Variants in LYST observed in about 807,000 individuals in gnomAD.
LYST encodes the protein lysosomal-trafficking regulator.
Under a neutral mutation model 413.6 loss-of-function variants are expected in LYST, and 192 were observed. That is an observed-to-expected ratio of 0.46 (90% CI 0.41 to 0.52). The LOEUF (loss-of-function observed/expected upper bound fraction) is 0.52. Among genes scored for constraint, LYST ranks in the 20% least tolerant of loss-of-function variants. The pLI, the probability that LYST is intolerant of heterozygous loss-of-function variation, is 0.00. For synonymous variants in LYST, 1,525 were observed against 1,567.3 expected (o/e 0.97, Z 0.64); for missense variants, 3,815 against 4,499.9 (o/e 0.85, Z 4.35).
At chr1:235,798,578 TAAAAAAAAAAAAAAAAAAAAAAAAAAAA>T (rs71174462) in intron 10 of LYST, among the ~76,000 whole-genome samples, 1 of 81,714 alleles carries the variant, frequency 1.2e-5, no homozygotes, top group Non-Finnish European at 2.4e-5. Context: ...AACCCTGTCA[TAAAAAAAAAAAAAAAAAAAAAAAAAAAA>T]AAAAAAAAAA....
chr1:235,764,339 C>T (rs919298483), intron 21 of LYST, among the ~76,000 whole-genome samples: 89 of 152,106 alleles, frequency 5.9e-4, no homozygotes, highest in African/African-American at 2.1e-3. Flanking sequence ...CCATATTTTA[C>T]CCATCTTTGT....
At chr1:235,863,017 T>C (rs1317688503) in intron 1 of LYST, among the ~76,000 whole-genome samples, 1 of 152,182 alleles carries the variant, frequency 6.6e-6, no homozygotes, top group Non-Finnish European at 1.5e-5. Context: ...CATTACAAAG[T>C]ATTAAAAATG....
At chr1:235,857,634 G>A (rs1377394318) in intron 1 of LYST, among the ~76,000 whole-genome samples, 1 of 151,638 alleles carries the variant, frequency 6.6e-6, no homozygotes, top group East Asian at 1.9e-4. Context: ...AGAGGGGTAC[G>A]AGGAAAACCA....
In LYST at chr1:235,830,320, T is replaced by C. The variant is rs772935284; in HGVS notation, c.98A>G (p.Glu33Gly). The C allele has an allele frequency of 6.2e-7, 1 of 1,613,882 alleles. No individual in the cohort carries two copies. The highest frequency in any genetic ancestry group is 1.3e-5 in the African/African-American group (1 of 74,904). The change falls in exon 3 of 53, where the codon GAA (glutamate) becomes GGA (glycine). Residue 33 changes from glutamate (E) to glycine (G), a missense_variant. By Grantham distance (98) the Glu-to-Gly change is moderately conservative. Coordinates refer to ENST00000389793, the MANE Select transcript of LYST (RefSeq NM_000081.4). ...VVQRVEAREE[E>G]EEETHMATLG... Reference sequence around the variant, plus strand: ...GGTTGCCATGTGCGTCTCCTCCTCTTCTTCCTCCCTGGCCTCCACCCTCTG... The same window carrying C: ...GGTTGCCATGTGCGTCTCCTCCTCTCCTTCCTCCCTGGCCTCCACCCTCTG...
Position 235,746,360 on chromosome 1 carries a change from C to T in LYST, c.7948G>A (p.Ala2650Thr), listed in dbSNP as rs1178128220. ...CCTTGATAAATAATCCTGTTGACTG[C>T]TAAAACAGTGAGCCTCTGTAGTCTC... ...AQRLQRLTVL[A>T]VNRIIYQEFN... Residue 2650 changes from alanine (A) to threonine (T), a missense_variant, in exon 29 of 53, where the codon GCA (alanine) becomes ACA (threonine). Physicochemically the swap from Ala to Thr is moderately conservative, Grantham distance 58 (BLOSUM62 0). Transcript: ENST00000389793. The T allele has an allele frequency of 6.2e-7, 1 of 1,613,700 alleles. No homozygotes were observed.
chr1:235,713,657 A>C (rs1418386443), intron 42 of LYST, among the ~76,000 whole-genome samples: 2 of 152,240 alleles, frequency 1.3e-5, no homozygotes, highest in Non-Finnish European at 2.9e-5. Context: ...GGGAGAGAAC[A>C]GGGATACAGC....
chr1:235,736,786 G>C (rs1348747940), intron 31 of LYST: 1 of 152,026 alleles, frequency 6.6e-6, no homozygotes, highest in South Asian at 2.1e-4. Context: ...TTATGAAGTA[G>C]GGGACAGAAT....
At chr1:235,747,304 A>G in intron 28 of LYST, 1 of 444,736 alleles carries the variant, frequency 2.2e-6, no homozygotes, top group Admixed American at 2.4e-5. Flanking sequence ...TAGATGAGGA[A>G]TAATGGAACC....
Position 235,715,281 on chromosome 1 carries a change from G to A in LYST, c.9704C>T (p.Ser3235Phe). The A allele has an allele frequency of 6.2e-7, 1 of 1,613,522 alleles. No homozygotes were observed. Among genetic ancestry groups the A allele is most frequent in the Non-Finnish European group, 8.5e-7 (1 of 1,179,480 alleles). The change falls in exon 42 of 53, where the codon TCC (serine) becomes TTC (phenylalanine). Residue 3235 changes from serine to phenylalanine, a missense_variant. By Grantham distance (155) the Ser-to-Phe change is radical. Transcript: ENST00000389793. The stretch of plus-strand genomic sequence containing the variant: ...CACAGTGCCGCTATTGGAATAGTGG[G>A]AGCCATAGTGATAGGGCTGCACGGG... ...MPPVQPYHYG[S>F]HYSNSGTVLH... is the part of the protein sequence containing the mutation.
intron 1 of LYST, among the ~76,000 whole-genome samples, chr1:235,840,405 G>A (rs1289213864): frequency 2.6e-5 from 4 of 152,212 alleles, no homozygotes; most frequent in African/African-American, 9.7e-5. Context: ...GGAAAAGTGA[G>A]GATGGAGGGA....
intron 3 of LYST, chr1:235,828,925 C>A (rs1159284671): frequency 2.2e-6 from 2 of 906,418 alleles, no homozygotes; most frequent in East Asian, 1.2e-4. Context: ...ATAAACTTGG[C>A]TGGGTGCAGT....
At position 235,751,275 on chromosome 1, in the gene LYST, G is replaced by A. The variant is rs1666468788; in HGVS notation, c.7715C>T (p.Thr2572Ile). The A allele has an allele frequency of 1.9e-6, 3 of 1,613,534 alleles. No homozygotes were observed. The highest frequency in any genetic ancestry group is 2.7e-5 in the African/African-American group (2 of 74,890). The change falls in exon 28 of 53, where the codon ACA (threonine) becomes ATA (isoleucine). Residue 2572 changes from threonine (T) to isoleucine (I), a missense_variant. Transcript: ENST00000389793. Reference sequence around the variant, plus strand: ...AGCAGAAGGTGACTGGAGTGAATCTGTGAGGTTTTCAGAGTCATGATTTGC... The same window carrying A: ...AGCAGAAGGTGACTGGAGTGAATCTATGAGGTTTTCAGAGTCATGATTTGC... ...TTANHDSENL[T>I]DSLQSPSAPH...
intron 18 of LYST, among the ~76,000 whole-genome samples, 195 bp downstream of exon 18, chr1:235,774,718 A>G (rs923992140): frequency 1.3e-5 from 2 of 152,214 alleles, no homozygotes; most frequent in African/African-American, 2.4e-5. Context: ...AATGCTTTAA[A>G]GAAAAGAAAA....
chr1:235,799,117 A>T (rs1671909128), intron 10 of LYST, among the ~76,000 whole-genome samples: 1 of 152,166 alleles, frequency 6.6e-6, no homozygotes, highest in African/African-American at 2.4e-5. Flanking sequence ...ATAAAAATAC[A>T]CCCATATACT....
chr1:235,725,439 A>G (rs187067340), intron 38 of LYST, among the ~76,000 whole-genome samples: 38 of 152,286 alleles, frequency 2.5e-4, no homozygotes, highest in Non-Finnish European at 3.7e-4. Context: ...GTCTTAAAAA[A>G]ATAAAAAATA....
rs1186227940 is a variant in LYST, at chr1:235,759,348, C to T, written c.6505G>A (p.Glu2169Lys). Residue 2169 changes from glutamate (E) to lysine (K), a missense_variant, in exon 23 of 53, where the codon GAG (glutamate) becomes AAG (lysine). By Grantham distance (56) the Glu-to-Lys change is moderately conservative (BLOSUM62 1). Transcript: ENST00000389793. The stretch of plus-strand genomic sequence containing the variant: ...ATTTCACAAACAGTTTTTGCAGACT[C>T]ACAGCTACTGATGAATGCGTCCTCT... Reference protein sequence around the residue: ...GKEDAFISSCESAKTVCEMEA... With the variant: ...GKEDAFISSCKSAKTVCEMEA... 12 of 1,614,144 alleles carry T rather than the reference C, an allele frequency of 7.4e-6. No homozygotes were observed. The highest frequency in any genetic ancestry group is 3.3e-4 in the Middle Eastern group (2 of 6,062).
chr1:235,704,593 T>A (rs756854305), intron 44 of LYST, among the ~76,000 whole-genome samples: 48 of 152,230 alleles, frequency 3.2e-4, no homozygotes, highest in Non-Finnish European at 6.9e-4. Context: ...GCACACTTTT[T>A]AATGAGGTTG....
chr1:235,840,253 A>C (rs991922343), intron 1 of LYST: 2 of 152,198 alleles, frequency 1.3e-5, no homozygotes, highest in African/African-American at 4.8e-5. Flanking sequence ...TGGCCAGGGA[A>C]GCTTCATGAA....
chr1:235,880,436 G>A (rs933806962), intron 1 of LYST, among the ~76,000 whole-genome samples: 4 of 150,744 alleles, frequency 2.7e-5, no homozygotes, highest in East Asian at 1.9e-4. Context: ...TTTATTACTC[G>A]GTAAAAGTGT....
Sources: gnomAD v4.1 joint callset for allele counts (sites outside exome capture counted in the v4.1 genomes callset) on GRCh38, gnomAD v4.1.1 for gene constraint, MANE v1.5 for transcripts, NCBI Gene and HGNC (gene_info 2026-07-23, HGNC 2026-07-21) for gene names.